STAB1: variants seen among roughly 807,000 people sequenced by gnomAD.
STAB1 encodes the protein stabilin 1.
Under a neutral mutation model 332.4 loss-of-function variants are expected in STAB1, and 250 were observed. The ratio of observed to expected loss-of-function variants is 0.75; its 90% confidence interval spans 0.68 to 0.84. The LOEUF (loss-of-function observed/expected upper bound fraction) is 0.84, where lower values mean the gene tolerates loss of function less well. STAB1 is among the 40% of genes least tolerant of loss of function. STAB1 has a pLI of 0.00. For missense variants in STAB1, 3,249 were observed against 3,489.7 expected, an observed-to-expected ratio of 0.93 and a Z score of 1.74; for synonymous variants, 1,475 against 1,390.4, an observed-to-expected ratio of 1.06 and a Z score of -1.35.
At chr3:52,515,346 T>G in intron 36 of STAB1, 77 bp from the exon 37 acceptor site, 1 of 1,386,022 alleles carries the variant, frequency 7.2e-7, no homozygotes, top group Non-Finnish European at 1.0e-6. Flanking sequence ...CTGTAGTCCA[T>G]CTGTCTGTCT....
rs374083483 is a variant in STAB1, at chr3:52,503,560, C to T, written c.891+20C>T. ...GGCCAGGTGAGCCAGGGTCCCAGGC[C>T]GGAACTGTCCCCACAGTGCACCCAA... On this transcript the variant is annotated intron_variant, in intron 8 of 68. Coordinates refer to ENST00000321725, the MANE Select transcript of STAB1 (RefSeq NM_015136.3). 93 of 1,609,956 alleles carry T rather than the reference C, an allele frequency of 5.8e-5. No individual in the cohort carries two copies. Among genetic ancestry groups the T allele is most frequent in the Middle Eastern group, 1.7e-4 (1 of 6,054 alleles).
chr3:52,508,590 G>A, intron 21 of STAB1: 1 of 517,304 alleles, frequency 1.9e-6, no homozygotes, highest in Non-Finnish European at 3.6e-6. Context: ...GAGACGCTGA[G>A]GCGGGCAGAT....
At chr3:52,519,813 C>A in intron 50 of STAB1, 131 bp from the exon 51 acceptor site, 1 of 1,269,376 alleles carries the variant, frequency 7.9e-7, no homozygotes, top group Non-Finnish European at 1.1e-6. Flanking sequence ...ACACACATGC[C>A]TGCCTGGGAT....
In STAB1 at chr3:52,504,092, G is replaced by A. The variant is rs139767173; in HGVS notation, c.1087G>A (p.Val363Met). The A allele has an allele frequency of 5.0e-5, 80 of 1,588,944 alleles. No individual in the cohort carries two copies. In the African/African-American group the frequency reaches 9.9e-4, roughly 20 times the overall value. ...RACYGHLLHE[V>M]QKATQTGRVF... is the part of the protein sequence containing the mutation. ...CTGCTACGGACACCTGCTCCACGAG[G>A]TGCAGAAGGCCACGCAGACAGGCCG... The change falls in exon 10 of 69, where the codon GTG becomes ATG. Residue 363 changes from valine (V) to methionine (M), a missense_variant. By Grantham distance (21) the Val-to-Met change is conservative. Coordinates refer to ENST00000321725, the MANE Select transcript of STAB1 (RefSeq NM_015136.3).
intron 10 of STAB1, 95 bp downstream of exon 10, chr3:52,504,250 T>G: frequency 6.6e-7 from 1 of 1,508,632 alleles, no homozygotes; most frequent in Non-Finnish European, 8.9e-7. Context: ...CCAGTTTCTC[T>G]GCCCAGGGCT....
intron 68 of STAB1, 36 bp downstream of exon 68, chr3:52,524,249 G>C (rs776352686): frequency 6.2e-7 from 1 of 1,613,962 alleles, no homozygotes; most frequent in Admixed American, 1.7e-5. Flanking sequence ...GCAGATGTGG[G>C]ATGGGCCCAG....
intron 1 of STAB1, among the ~76,000 whole-genome samples, chr3:52,498,870 C>T (rs541075376): frequency 5.3e-5 from 8 of 152,358 alleles, no homozygotes; most frequent in South Asian, 2.1e-4. Context: ...GGATGGGGAA[C>T]GAGACCACAA....
intron 36 of STAB1, 85 bp from the exon 37 acceptor site, chr3:52,515,338 G>C: frequency 7.6e-7 from 1 of 1,319,214 alleles, no homozygotes. Context: ...CCTGACACCT[G>C]TAGTCCATCT....
At chr3:52,521,763 G>A in intron 57 of STAB1, 63 bp downstream of exon 57, 1 of 1,604,430 alleles carries the variant, frequency 6.2e-7, no homozygotes, top group Non-Finnish European at 8.5e-7. Flanking sequence ...CATCAGTAAA[G>A]GCACCAAGGG....
chr3:52,523,796 C>T (rs747868413), intron 66 of STAB1, 40 bp downstream of exon 66: 2 of 1,587,704 alleles, frequency 1.3e-6, no homozygotes, highest in Non-Finnish European at 1.7e-6. Flanking sequence ...TTCCTGGCAC[C>T]CCCACAACCT....
rs892421608 is a variant in STAB1 at position 52,516,030 on chromosome 3, C to T, written c.3949-13C>T. On this transcript the variant is annotated splice_polypyrimidine_tract_variant and intron_variant, in intron 37 of 68. Coordinates refer to ENST00000321725, the MANE Select transcript of STAB1 (RefSeq NM_015136.3). Reference sequence around the variant, plus strand: ...GGCCTCTCTCGCCCTCTCTCCCATCCCCACGCCGACAGGTGCCGGACTGCT... The same window carrying T: ...GGCCTCTCTCGCCCTCTCTCCCATCTCCACGCCGACAGGTGCCGGACTGCT... 2 of 1,594,492 alleles carry T rather than the reference C, an allele frequency of 1.3e-6. No homozygotes were observed. The highest frequency in any genetic ancestry group is 1.3e-5 in the African/African-American group (1 of 74,288).
chr3:52,518,436 G>A, intron 46 of STAB1, 77 bp downstream of exon 46: 1 of 1,575,508 alleles, frequency 6.3e-7, no homozygotes. Context: ...TGGTCAGGGG[G>A]TTGGCTGGTT....
rs940015416 is a variant in STAB1 at position 52,504,139 on chromosome 3, C to T, written c.1134C>T (p.Val378=). ...GCCGGGTGTTCCTGCAGCTGAGGGT[C>T]GCCGTGGCCATGATGGGTGCGTGAC... ...QTGRVFLQLR[V]AVAMMDQGCR... Residue 378 remains valine, a synonymous_variant, in exon 10 of 69, where the codon GTC becomes GTT. Coordinates refer to ENST00000321725, the MANE Select transcript of STAB1 (RefSeq NM_015136.3). 3 of 1,588,682 alleles carry T rather than the reference C, an allele frequency of 1.9e-6. No individual in the cohort carries two copies. Among genetic ancestry groups the T allele is most frequent in the Non-Finnish European group, 1.7e-6 (2 of 1,169,568 alleles).
At chr3:52,507,881 G>A (rs1393478304) in intron 19 of STAB1, 50 bp from the exon 20 acceptor site, 1 of 1,570,474 alleles carries the variant, frequency 6.4e-7, no homozygotes, top group Non-Finnish European at 8.7e-7. Context: ...TAGCAAAGGG[G>A]CTGGCCCAGA....
chr3:52,523,580 A>G lies in STAB1; in HGVS notation c.7290+4A>G, dbSNP rs1317567880. On this transcript the variant is annotated splice_donor_region_variant and intron_variant, in intron 65 of 68. Transcript: ENST00000321725. ...CAACAGTTCCTGGGCCCCTGTGGTGAGTCTGGCCACTGTCCCACCCTGTTG... is the reference window on the plus strand; with the variant it reads ...CAACAGTTCCTGGGCCCCTGTGGTGGGTCTGGCCACTGTCCCACCCTGTTG... The G allele has an allele frequency of 1.9e-6, 3 of 1,612,572 alleles. No homozygotes were observed. Among genetic ancestry groups the G allele is most frequent in the East Asian group, 2.2e-5 (1 of 44,886 alleles).
At position 52,502,380 on chromosome 3, in the gene STAB1, A is replaced by G. The variant is rs773953122; in HGVS notation, c.487+152A>G. On this transcript the variant is annotated intron_variant, in intron 5 of 68. Transcript: ENST00000321725. ...CTTTCAGGAACATGTGCTTTGTTTT[A>G]TCACACCTCCAGCCCTTTGCACATG... is the stretch of plus-strand genomic sequence containing the variant. 3 of 955,044 alleles carry G rather than the reference A, an allele frequency of 3.1e-6. No individual in the cohort carries two copies. The South Asian group carries it at 4.7e-5, about 15-fold the overall frequency. 59.2% of individuals were successfully genotyped at this position (955,044 alleles called of 1,614,324 possible).
At position 52,506,214 on chromosome 3, in the gene STAB1, G is replaced by C; in HGVS notation, c.1794G>C (p.Met598Ile). The C allele has an allele frequency of 6.2e-7, 1 of 1,612,950 alleles. No individual in the cohort carries two copies. Reference protein sequence around the residue: ...KLISKGRILTMANQVLAVNIS... With the variant: ...KLISKGRILTIANQVLAVNIS... ...TCTCCAAGGGTCGGATCCTCACCATGGCGAACCAGGTCCTGGCTGTGAACA... is the reference window on the plus strand; with the variant it reads ...TCTCCAAGGGTCGGATCCTCACCATCGCGAACCAGGTCCTGGCTGTGAACA... Residue 598 changes from methionine (M) to isoleucine (I), a missense_variant, in exon 17 of 69, where the codon ATG becomes ATC. Transcript: ENST00000321725.
Position 52,522,894 on chromosome 3 carries a change from C to A in STAB1, c.6864C>A (p.Arg2288=). 6.2e-7 allele frequency: 1 copy of A among 1,613,416 alleles called. No individual in the cohort carries two copies. Among genetic ancestry groups the A allele is most frequent in the Non-Finnish European group, 8.5e-7 (1 of 1,180,026 alleles). ...GRVGIVSLGA[R]KNLSERWDAY... is the part of the protein sequence containing the mutation. ...TGGGCATAGTCAGCCTGGGTGCCCG[C>A]AAGAACCTCTCAGAACGCTGGGATG... The change falls in exon 62 of 69, where the codon CGC becomes CGA. Residue 2288 remains arginine, a synonymous_variant. Transcript: ENST00000321725.
intron 41 of STAB1, 92 bp downstream of exon 41, chr3:52,516,860 C>T (rs1407222843): frequency 1.3e-6 from 2 of 1,597,598 alleles, no homozygotes; most frequent in Middle Eastern, 2.2e-4. Context: ...CCCAGCCCCC[C>T]TCACTGTCCC....
Sources: allele counts gnomAD v4.1 joint callset (sites outside exome capture counted in the v4.1 genomes callset), GRCh38; gene constraint gnomAD v4.1.1; transcripts MANE v1.5; gene names NCBI Gene and HGNC (gene_info 2026-07-23, HGNC 2026-07-21).